SARDH: variants seen among roughly 807,000 people sequenced by gnomAD.
The protein encoded by SARDH is sarcosine dehydrogenase, mitochondrial.
Under a neutral mutation model 109.1 loss-of-function variants are expected in SARDH, and 95 were observed. The observed-to-expected ratio is 0.87, with a 90% CI of 0.74 to 1.03. The LOEUF (loss-of-function observed/expected upper bound fraction) is 1.03, where lower values mean the gene tolerates loss of function less well. Among genes scored for constraint, SARDH ranks in the 50% least tolerant of loss-of-function variants. The pLI is 0.00. For missense variants in SARDH, 1,267 were observed against 1,287.8 expected (o/e 0.98, Z 0.25); for synonymous variants, 572 against 534.8 (o/e 1.07, Z -0.96).
chr9:133,735,283 C>G (rs1220468141), intron 1 of SARDH, among the ~76,000 whole-genome samples: 1 of 152,192 alleles, frequency 6.6e-6, no homozygotes, highest in Non-Finnish European at 1.5e-5. Flanking sequence ...TTGGGGCCAC[C>G]TGGGATTGCA....
chr9:133,678,603 C>T (rs972155596), intron 17 of SARDH, among the ~76,000 whole-genome samples: 1 of 152,190 alleles, frequency 6.6e-6, no homozygotes, highest in Admixed American at 6.5e-5. Context: ...GGGTCCTGTC[C>T]CATGCCTGGG....
intron 11 of SARDH, among the ~76,000 whole-genome samples, chr9:133,707,244 T>C (rs1831726858): frequency 6.6e-6 from 1 of 152,176 alleles, no homozygotes; most frequent in Admixed American, 6.5e-5. Flanking sequence ...AGCTGCTCAG[T>C]TCTGAGGAAT....
intron 20 of SARDH, among the ~76,000 whole-genome samples, 200 bp from the exon 21 acceptor site, chr9:133,664,214 C>A (rs1829978606): frequency 6.6e-6 from 1 of 152,226 alleles, no homozygotes; most frequent in African/African-American, 2.4e-5. Context: ...TTGAGTTGGA[C>A]ATGGGCATCT....
rs189033452 is a variant in SARDH at position 133,679,071 on chromosome 9, C to T, written c.2163+6122G>A. Reference sequence around the variant, plus strand: ...AACCCGGGTGGGGGTCGAAGCTTCCCACCACCCACTCCACAAACACCCTCG... The same window carrying T: ...AACCCGGGTGGGGGTCGAAGCTTCCTACCACCCACTCCACAAACACCCTCG... On this transcript the variant is annotated intron_variant, in intron 17 of 20. Coordinates refer to ENST00000439388, the MANE Select transcript of SARDH (RefSeq NM_001134707.2). 4.1e-3 allele frequency among the ~76,000 whole-genome samples: 624 copies of T among 152,306 alleles called. 2 individuals are homozygous for T. Among genetic ancestry groups the T allele is most frequent in the Middle Eastern group, 0.02 (6 of 294 alleles).
intron 10 of SARDH, among the ~76,000 whole-genome samples, chr9:133,708,985 T>A (rs1215320479): frequency 6.6e-6 from 1 of 152,162 alleles, no homozygotes; most frequent in Non-Finnish European, 1.5e-5. Flanking sequence ...TCCCCAAGTC[T>A]GTGATCCCAA....
intron 6 of SARDH, among the ~76,000 whole-genome samples, chr9:133,724,487 G>A (rs188696772): frequency 2.2e-4 from 33 of 152,196 alleles, no homozygotes; most frequent in African/African-American, 2.6e-4. Context: ...TAGGATGACC[G>A]GCATAAAAAA....
At chr9:133,696,193 G>A (rs769505526) in intron 14 of SARDH, 30 bp downstream of exon 14, 3 of 1,611,406 alleles carry the variant, frequency 1.9e-6, no homozygotes, top group Non-Finnish European at 2.5e-6. Flanking sequence ...GGAGTGACAG[G>A]AACATGCCCC....
intron 17 of SARDH, among the ~76,000 whole-genome samples, chr9:133,677,645 G>A (rs913202408): frequency 3.3e-5 from 5 of 152,228 alleles, no homozygotes; most frequent in African/African-American, 1.2e-4. Context: ...TGGGGCAGGG[G>A]TCCTTTGTGA....
intron 1 of SARDH, among the ~76,000 whole-genome samples, 157 bp from the exon 2 acceptor site, chr9:133,734,360 TTCAC>T (rs1196841926): frequency 5.3e-5 from 8 of 150,716 alleles, no homozygotes; most frequent in Non-Finnish European, 1.2e-4. Flanking sequence ...CATTCATTCA[TTCAC>T]TCATTCATTC....
chr9:133,722,424 G>C (rs1254627095), intron 6 of SARDH, among the ~76,000 whole-genome samples: 2 of 151,954 alleles, frequency 1.3e-5, no homozygotes, highest in Non-Finnish European at 2.9e-5. Context: ...GAAGAAGGAT[G>C]GCTGATTTCC....
intron 7 of SARDH, among the ~76,000 whole-genome samples, chr9:133,717,930 G>T (rs1731564022): frequency 6.7e-6 from 1 of 149,490 alleles, no homozygotes; most frequent in Non-Finnish European, 1.5e-5. Flanking sequence ...GCAGGGCTCT[G>T]CTTGGATGTC....
At chr9:133,716,629 G>T (rs1326141969) in intron 8 of SARDH, among the ~76,000 whole-genome samples, 2 of 152,232 alleles carry the variant, frequency 1.3e-5, no homozygotes, top group East Asian at 1.9e-4. Context: ...GTGGGGTGGG[G>T]CTGAGCTGCG....
intron 14 of SARDH, among the ~76,000 whole-genome samples, chr9:133,695,441 T>TCAAAA (rs950975431): frequency 1.1e-4 from 16 of 152,096 alleles, no homozygotes; most frequent in African/African-American, 2.7e-4. Flanking sequence ...AGACTCCGTC[T>TCAAAA]CAAAACAAAA....
intron 19 of SARDH, among the ~76,000 whole-genome samples, chr9:133,667,928 C>G (rs1246649377): frequency 6.6e-6 from 1 of 152,126 alleles, no homozygotes; most frequent in Non-Finnish European, 1.5e-5. Flanking sequence ...ACTCCACTGC[C>G]AGCATCTTCT....
At position 133,731,490 on chromosome 9, in the gene SARDH, G is replaced by A. The variant is rs772433673; in HGVS notation, c.511-6C>T. On this transcript the variant is annotated splice_region_variant and splice_polypyrimidine_tract_variant and intron_variant, in intron 3 of 20. Coordinates refer to ENST00000439388, the MANE Select transcript of SARDH (RefSeq NM_001134707.2). ...ACACCATACGCCTTGCCCAGCTAGGGGGACCCAGGGGAGGTTAACTGAGTC... is the reference window on the plus strand; with the variant it reads ...ACACCATACGCCTTGCCCAGCTAGGAGGACCCAGGGGAGGTTAACTGAGTC... 4 of 1,613,784 alleles carry A rather than the reference G, an allele frequency of 2.5e-6. No homozygotes were observed. In the South Asian group the frequency reaches 4.4e-5, roughly 18 times the overall value.
At chr9:133,738,644 G>A (rs985052603), upstream of SARDH, among the ~76,000 whole-genome samples, 2 of 152,230 alleles carry the variant, frequency 1.3e-5, no homozygotes, top group African/African-American at 2.4e-5. Context: ...TGCTGGAGCC[G>A]CCCGAGCTCC....
intron 19 of SARDH, 92 bp downstream of exon 19, chr9:133,670,492 C>T: frequency 7.3e-7 from 1 of 1,367,512 alleles, no homozygotes. Context: ...AGTGTTGGTA[C>T]CAGGGGCTTT....
At position 133,686,822 on chromosome 9, in the gene SARDH, C is replaced by T. The variant is rs1830902855; in HGVS notation, c.2070-1536G>A. 6.6e-6 allele frequency among the ~76,000 whole-genome samples: 1 copy of T among 152,210 alleles called. No individual in the cohort carries two copies. The highest frequency in any genetic ancestry group is 6.5e-5 in the Admixed American group (1 of 15,282). On this transcript the variant is annotated intron_variant, in intron 16 of 20. Transcript: ENST00000439388. This position sits in a 1 kb window ranked among gnomAD's most constrained non-coding sequence, Gnocchi z 4.0. Reference sequence around the variant, plus strand: ...GGTGCTCAGCTGTGGTACAGTTGGCCAAGACCCTTATGTAACCACTCAGCA... The same window carrying T: ...GGTGCTCAGCTGTGGTACAGTTGGCTAAGACCCTTATGTAACCACTCAGCA...
intron 19 of SARDH, 91 bp downstream of exon 19, chr9:133,670,493 C>T: frequency 7.3e-7 from 1 of 1,377,016 alleles, no homozygotes; most frequent in African/African-American, 1.4e-5. Flanking sequence ...GTGTTGGTAC[C>T]AGGGGCTTTG....
Sources: gnomAD v4.1 joint callset for allele counts (sites outside exome capture counted in the v4.1 genomes callset) on GRCh38, gnomAD v4.1.1 for gene constraint, Gnocchi (gnomAD v3.1) non-coding constraint, MANE v1.5 for transcripts, NCBI Gene and HGNC (gene_info 2026-07-23, HGNC 2026-07-21) for gene names.